KIF16B: variants seen among roughly 807,000 people sequenced by gnomAD.
KIF16B encodes the protein kinesin-like protein KIF16B.
KIF16B carries 98 observed loss-of-function variants against 156.3 expected under a neutral mutation model. The observed-to-expected ratio is 0.63, with a 90% CI of 0.53 to 0.74. The LOEUF (loss-of-function observed/expected upper bound fraction) is 0.74. Among genes scored for constraint, KIF16B ranks in the 30% least tolerant of loss-of-function variants. The pLI is 0.00. For synonymous variants in KIF16B, 564 were observed against 583.7 expected (o/e 0.97, Z 0.49); for missense variants, 1,421 against 1,606.5 (o/e 0.88, Z 1.97).
intron 1 of KIF16B, among the ~76,000 whole-genome samples, chr20:16,564,518 G>C (rs1021333371): frequency 1.3e-5 from 2 of 152,192 alleles, no homozygotes; most frequent in Middle Eastern, 3.4e-3. Context: ...GTTGTGAGGT[G>C]GGGGGAGAGG....
rs183922131 is a variant in KIF16B, at chr20:16,281,300, G to A, written c.3796-7889C>T. On this transcript the variant is annotated intron_variant, in intron 25 of 25. Transcript: ENST00000354981. ...CTCATTCTCAGAAGTCATTAACCAC[G>A]GTGGCGGCTTAAAGACAAGTATCAG... is the stretch of plus-strand genomic sequence containing the variant. 3.0e-3 allele frequency among the ~76,000 whole-genome samples: 459 copies of A among 152,236 alleles called. 2 individuals are homozygous for A. The highest frequency in any genetic ancestry group is 9.5e-3 in the African/African-American group (395 of 41,542).
At chr20:16,352,713 C>T (rs1185223311) in intron 23 of KIF16B, among the ~76,000 whole-genome samples, 1 of 152,178 alleles carries the variant, frequency 6.6e-6, no homozygotes, top group East Asian at 1.9e-4. Flanking sequence ...AAAAGGTTGG[C>T]AGAAGAGCGC....
At chr20:16,391,268 C>T (rs186822385) in intron 17 of KIF16B, among the ~76,000 whole-genome samples, 7 of 152,216 alleles carry the variant, frequency 4.6e-5, no homozygotes, top group Admixed American at 3.3e-4. Flanking sequence ...GACACACTCT[C>T]GAGGGCACCT....
chr20:16,292,309 G>A (rs2063325097), intron 25 of KIF16B, among the ~76,000 whole-genome samples: 1 of 152,160 alleles, frequency 6.6e-6, no homozygotes, highest in Admixed American at 6.5e-5. Context: ...ACAAACTGAT[G>A]TTCTCATCCA....
In KIF16B at chr20:16,573,252, C is replaced by CA. The variant is rs2071523039; in HGVS notation, c.23dup (p.Arg9GlufsTer51). ...ACCTGCGATTCATGGGCCGGACCCTCACGGCCACCTTGACCGATGCCATCG... is the reference window on the plus strand; with the variant it reads ...ACCTGCGATTCATGGGCCGGACCCTCAACGGCCACCTTGACCGATGCCATCG... On this transcript the variant is annotated frameshift_variant, in exon 1 of 26. Transcript: ENST00000354981. LOFTEE classifies it high-confidence loss of function. The CA allele has an allele frequency of 6.2e-7, 1 of 1,606,030 alleles. No homozygotes were observed. The highest frequency in any genetic ancestry group is 1.7e-5 in the Admixed American group (1 of 59,456).
intron 22 of KIF16B, chr20:16,367,573 G>T: frequency 6.2e-7 from 1 of 1,612,910 alleles, no homozygotes; most frequent in Non-Finnish European, 8.5e-7. Context: ...TTTCACTGTT[G>T]TGTAGAGCAG....
intron 17 of KIF16B, among the ~76,000 whole-genome samples, chr20:16,395,582 TC>T (rs2065480543): frequency 6.6e-6 from 1 of 152,152 alleles, no homozygotes; most frequent in Non-Finnish European, 1.5e-5. Context: ...GAAATCCATT[TC>T]CATTCTTAAT....
At chr20:16,363,342 T>C (rs1165251608) in intron 22 of KIF16B, among the ~76,000 whole-genome samples, 2 of 152,196 alleles carry the variant, frequency 1.3e-5, no homozygotes, top group Non-Finnish European at 2.9e-5. Flanking sequence ...AAATTGAATA[T>C]GTAACTTAAA....
At chr20:16,330,632 A>G (rs1373238062) in intron 24 of KIF16B, among the ~76,000 whole-genome samples, 1 of 152,238 alleles carries the variant, frequency 6.6e-6, no homozygotes, top group Non-Finnish European at 1.5e-5. Context: ...TGGAAACCTG[A>G]TAAGGTGACA....
rs2068729583 is a variant in KIF16B, at chr20:16,504,923, G to C, written c.1001-376C>G. The stretch of plus-strand genomic sequence containing the variant: ...TTTAAAAGTTCTGGCAAAGTCTACT[G>C]TCTGGAAAAAAAAACAGAATATGAT... On this transcript the variant is annotated intron_variant, in intron 9 of 25. Coordinates refer to ENST00000354981, the MANE Select transcript of KIF16B (RefSeq NM_024704.5). Among the ~76,000 whole-genome samples, 4 of 141,606 alleles carry C rather than the reference G, an allele frequency of 2.8e-5. No individual in the cohort carries two copies. In the Admixed American group the frequency reaches 2.8e-4, roughly 10 times the overall value. The allele number at this position is 141,606 out of a possible 152,430, so 92.9% of individuals were successfully genotyped here.
At position 16,494,044 on chromosome 20, in the gene KIF16B, G is replaced by A. The variant is rs2068374695; in HGVS notation, c.1302+247C>T. On this transcript the variant is annotated intron_variant, in intron 12 of 25. Coordinates refer to ENST00000354981, the MANE Select transcript of KIF16B (RefSeq NM_024704.5). Reference sequence around the variant, plus strand: ...AAATGGAAAAACCCCTAAAAGTAAAGGCAAACATCTTAAATATCAATATAA... The same window carrying A: ...AAATGGAAAAACCCCTAAAAGTAAAAGCAAACATCTTAAATATCAATATAA... Among the ~76,000 whole-genome samples, 3 of 152,034 alleles carry A rather than the reference G, an allele frequency of 2.0e-5. No homozygotes were observed. In the South Asian group the frequency reaches 6.2e-4, roughly 32 times the overall value.
chr20:16,410,031 A>AGGTACATATATATATGTT (rs1568948258), intron 15 of KIF16B, among the ~76,000 whole-genome samples: 5 of 86,184 alleles, frequency 5.8e-5, no homozygotes, highest in African/African-American at 2.5e-4. Context: ...ATATATATGT[A>AGGTACATATATATATGTT]GGTACATATA....
intron 1 of KIF16B, among the ~76,000 whole-genome samples, chr20:16,572,280 G>A (rs1157102095): frequency 1.3e-5 from 2 of 152,066 alleles, no homozygotes; most frequent in Non-Finnish European, 2.9e-5. Context: ...TATGGCCTTC[G>A]GCTGCCCCAA....
At chr20:16,282,346 A>C (rs947771427) in intron 25 of KIF16B, among the ~76,000 whole-genome samples, 1 of 152,026 alleles carries the variant, frequency 6.6e-6, no homozygotes, top group African/African-American at 2.4e-5. Context: ...CTGGGCATTC[A>C]ACAGCTAATA....
Position 16,417,724 on chromosome 20 carries a change from A to G in KIF16B, c.1612+9380T>C, listed in dbSNP as rs2066125550. On this transcript the variant is annotated intron_variant, in intron 15 of 25. Transcript: ENST00000354981. ...CAATATTACAAGTGAAAAACAAAAT[A>G]TTCAAAATAAAAAACTCATTGGTAG... Among the ~76,000 whole-genome samples, 5 of 152,174 alleles carry G rather than the reference A, an allele frequency of 3.3e-5. No individual in the cohort carries two copies. The South Asian group carries it at 1.0e-3, about 32-fold the overall frequency.
intron 17 of KIF16B, among the ~76,000 whole-genome samples, chr20:16,393,465 T>TAAAC (rs1343918473): frequency 3.3e-5 from 5 of 152,344 alleles, no homozygotes; most frequent in African/African-American, 1.2e-4. Context: ...TGGTGATGGT[T>TAAAC]AAACATACGG....
chr20:16,377,361 A>G (rs1217326302), intron 19 of KIF16B, among the ~76,000 whole-genome samples: 1 of 151,952 alleles, frequency 6.6e-6, no homozygotes, highest in African/African-American at 2.4e-5. Flanking sequence ...GGAGTTTGAG[A>G]CCAGACTGGG....
At chr20:16,511,349 T>G in intron 6 of KIF16B, 69 bp downstream of exon 6, 1 of 856,388 alleles carries the variant, frequency 1.2e-6, no homozygotes, top group East Asian at 2.5e-5. Context: ...TATGCTATAT[T>G]TTTTCATTGA....
At chr20:16,515,498 C>T (rs766642889) in intron 4 of KIF16B, 50 bp downstream of exon 4, 1 of 947,368 alleles carries the variant, frequency 1.1e-6, no homozygotes, top group Non-Finnish European at 1.7e-6. Context: ...TCTACCAGTC[C>T]AGAGAAAGAT....
Sources: allele counts gnomAD v4.1 joint callset (sites outside exome capture counted in the v4.1 genomes callset), GRCh38; gene constraint gnomAD v4.1.1; transcripts MANE v1.5; gene names NCBI Gene and HGNC (gene_info 2026-07-23, HGNC 2026-07-21).